IQGAP3: variants seen among roughly 807,000 people sequenced by gnomAD.
IQGAP3 encodes the protein ras GTPase-activating-like protein IQGAP3.
IQGAP3 carries 165 observed loss-of-function variants against 208.2 expected under a neutral mutation model. The observed-to-expected ratio is 0.79, with a 90% CI of 0.70 to 0.90. The LOEUF (loss-of-function observed/expected upper bound fraction) is 0.90, where lower values mean the gene tolerates loss of function less well. IQGAP3 is among the 40% of genes least tolerant of loss of function. The pLI, the probability that IQGAP3 is intolerant of heterozygous loss-of-function variation, is 0.00. For missense variants in IQGAP3, 1,811 were observed against 2,043.1 expected (o/e 0.89, Z 2.19); for synonymous variants, 703 against 803.6 (o/e 0.87, Z 2.12).
intron 10 of IQGAP3, 121 bp from the exon 11 acceptor site, chr1:156,561,142 C>T (rs986902048): frequency 7.8e-5 from 51 of 654,762 alleles, no homozygotes; most frequent in Middle Eastern, 8.4e-4. Flanking sequence ...TACCTCTCTC[C>T]GTTAGGCTGG....
At chr1:156,569,557 C>T (rs565619762) in intron 1 of IQGAP3, 94 bp from the exon 2 acceptor site, 78 of 420,304 alleles carry the variant, frequency 1.9e-4, no homozygotes, top group African/African-American at 1.7e-3. Context: ...TTTTTTGAGA[C>T]GCCCAGGCTG....
chr1:156,531,603 G>GTT (rs34783419), intron 32 of IQGAP3, among the ~76,000 whole-genome samples: 2,274 of 120,526 alleles, frequency 0.019, 131 homozygotes, highest in African/African-American at 0.067. Context: ...CAGCTCACTT[G>GTT]TTTTTTTTTT....
intron 2 of IQGAP3, among the ~76,000 whole-genome samples, 156 bp from the exon 3 acceptor site, chr1:156,566,702 C>T (rs550816462): frequency 9.2e-5 from 14 of 152,102 alleles, no homozygotes; most frequent in Non-Finnish European, 1.9e-4. Context: ...CTGCCCATTG[C>T]CTGGCTGTTC....
At chr1:156,541,917 CG>C (rs1213392819) in intron 22 of IQGAP3, among the ~76,000 whole-genome samples, 1 of 152,120 alleles carries the variant, frequency 6.6e-6, no homozygotes, top group African/African-American at 2.4e-5. Context: ...CCCCAGATGT[CG>C]GTGAAAAGGA....
At chr1:156,569,675 C>G (rs961320632) in intron 1 of IQGAP3, among the ~76,000 whole-genome samples, 13 of 151,924 alleles carry the variant, frequency 8.6e-5, no homozygotes, top group African/African-American at 2.9e-4. Flanking sequence ...CCCGCCACCA[C>G]GCCTGGCTAA....
At chr1:156,541,445 T>C (rs1674972761) in intron 22 of IQGAP3, among the ~76,000 whole-genome samples, 1 of 152,022 alleles carries the variant, frequency 6.6e-6, no homozygotes, top group South Asian at 2.1e-4. Flanking sequence ...AGCTAGCTGG[T>C]GATTCTCCTT....
At chr1:156,564,312 C>T (rs1468749124) in intron 5 of IQGAP3, among the ~76,000 whole-genome samples, 2 of 152,100 alleles carry the variant, frequency 1.3e-5, no homozygotes, top group African/African-American at 2.4e-5. Context: ...GCCTGTGTTG[C>T]TCTCAATAGG....
chr1:156,564,944 C>T (rs1254045588), intron 4 of IQGAP3, among the ~76,000 whole-genome samples: 4 of 152,150 alleles, frequency 2.6e-5, no homozygotes, highest in Admixed American at 6.6e-5. Flanking sequence ...TAACCAAACA[C>T]CAGATAAGGC....
rs115201756 is a variant in IQGAP3 at position 156,529,192 on chromosome 1, G to T, written c.4405-110C>A. On this transcript the variant is annotated intron_variant, in intron 34 of 37. Coordinates refer to ENST00000361170, the MANE Select transcript of IQGAP3 (RefSeq NM_178229.5). Reference sequence around the variant, plus strand: ...ACTGTGAGGCTCTTCGGAAGAACAGGCTTCAAGGCTGTTTTCCTAGAAGGA... The same window carrying T: ...ACTGTGAGGCTCTTCGGAAGAACAGTCTTCAAGGCTGTTTTCCTAGAAGGA... 3,826 of 1,160,766 alleles carry T rather than the reference G, an allele frequency of 3.3e-3. 107 individuals carry two copies. In the African/African-American group the frequency reaches 0.054, roughly 16 times the overall value. The allele number at this position is 1,160,766 out of a possible 1,614,324, so 71.9% of individuals were successfully genotyped here.
At chr1:156,546,309 C>T (rs1008705520) in intron 19 of IQGAP3, among the ~76,000 whole-genome samples, 1 of 152,158 alleles carries the variant, frequency 6.6e-6, no homozygotes, top group African/African-American at 2.4e-5. Context: ...TTTCCCCGGG[C>T]AAGAGGCTCA....
chr1:156,550,676 T>C (rs535824454), intron 15 of IQGAP3, among the ~76,000 whole-genome samples: 1 of 152,338 alleles, frequency 6.6e-6, no homozygotes, highest in South Asian at 2.1e-4. Context: ...TCCCTGCTCT[T>C]ATGCCTCAGC....
chr1:156,538,335 C>G (rs527551567), intron 26 of IQGAP3, among the ~76,000 whole-genome samples: 1 of 152,348 alleles, frequency 6.6e-6, no homozygotes, highest in East Asian at 1.9e-4. Context: ...GCTGGGATTA[C>G]AGGCGTGAGC....
chr1:156,528,481 T>C, intron 36 of IQGAP3, 28 bp downstream of exon 36: 1 of 1,545,842 alleles, frequency 6.5e-7, no homozygotes, highest in Non-Finnish European at 8.9e-7. Context: ...AGGAAGGGGC[T>C]GACATCCTGC....
In IQGAP3 at chr1:156,534,129, A is replaced by G. The variant is rs746740658; in HGVS notation, c.3753T>C (p.His1251=). 3 of 1,613,620 alleles carry G rather than the reference A, an allele frequency of 1.9e-6. No individual in the cohort carries two copies. The highest frequency in any genetic ancestry group is 1.1e-5 in the South Asian group (1 of 91,082). The change falls in exon 30 of 38, where the codon CAT becomes CAC. Residue 1251 remains histidine, a synonymous_variant. Coordinates refer to ENST00000361170, the MANE Select transcript of IQGAP3 (RefSeq NM_178229.5). ...ETHLKFRKFI[H]RACQVPEPEE... Reference sequence around the variant, plus strand: ...CTGGCTCTGGCACCTGGCAGGCTCTATGGATGAACTTCCTGTCCAGAGGGC... The same window carrying G: ...CTGGCTCTGGCACCTGGCAGGCTCTGTGGATGAACTTCCTGTCCAGAGGGC...
At chr1:156,560,911 C>T in intron 11 of IQGAP3, 23 bp downstream of exon 11, 1 of 1,524,016 alleles carries the variant, frequency 6.6e-7, no homozygotes, top group Non-Finnish European at 9.1e-7. Context: ...ACAGAGCAGG[C>T]CTCAGACCTG....
At chr1:156,562,184 C>T (rs547603769) in intron 9 of IQGAP3, among the ~76,000 whole-genome samples, 183 bp from the exon 10 acceptor site, 2 of 152,194 alleles carry the variant, frequency 1.3e-5, no homozygotes, top group South Asian at 2.1e-4. Flanking sequence ...AGCCTTCTCA[C>T]TTCGCCGCCC....
intron 31 of IQGAP3, 36 bp from the exon 32 acceptor site, chr1:156,533,142 T>C (rs371638902): frequency 7.4e-6 from 12 of 1,611,622 alleles, no homozygotes; most frequent in Non-Finnish European, 1.0e-5. Context: ...GAGACAGGCA[T>C]ACACACACAC....
chr1:156,555,648 T>C (rs1675790521), intron 12 of IQGAP3, among the ~76,000 whole-genome samples: 2 of 152,242 alleles, frequency 1.3e-5, no homozygotes, highest in South Asian at 4.1e-4. Flanking sequence ...TAAGCAAATA[T>C]GTTCCCTTAT....
intron 1 of IQGAP3, among the ~76,000 whole-genome samples, chr1:156,570,231 C>A (rs1011190666): frequency 6.6e-6 from 1 of 152,190 alleles, no homozygotes; most frequent in Non-Finnish European, 1.5e-5. Context: ...GACTAGCAGA[C>A]CCCTACTCTT....
Sources: gnomAD v4.1 joint callset for allele counts (sites outside exome capture counted in the v4.1 genomes callset) on GRCh38, gnomAD v4.1.1 for gene constraint, MANE v1.5 for transcripts, NCBI Gene and HGNC (gene_info 2026-07-23, HGNC 2026-07-21) for gene names.